Variants in SLC25A21 observed in about 807,000 individuals in gnomAD.
SLC25A21 encodes solute carrier family 25 member 21.
A neutral mutation model predicts 43.8 loss-of-function variants in SLC25A21; 47 were observed. The observed-to-expected ratio is 1.07, with a 90% confidence interval of 0.85 to 1.37. SLC25A21 has a LOEUF of 1.37. SLC25A21 is among the 40% of genes most tolerant of loss of function. The pLI, the probability that SLC25A21 is intolerant of heterozygous loss-of-function variation, is 0.00. For missense variants in SLC25A21, 352 were observed against 350.2 expected, an observed-to-expected ratio of 1.00 and a Z score of -0.04; for synonymous variants, 131 against 121.3, an observed-to-expected ratio of 1.08 and a Z score of -0.52.
chr14:37,040,583 G>A (rs934027246), intron 1 of SLC25A21, among the ~76,000 whole-genome samples: 7 of 151,718 alleles, frequency 4.6e-5, no homozygotes, highest in Non-Finnish European at 1.0e-4. Flanking sequence ...GAGACTTATT[G>A]AAGGCATCTA....
intron 3 of SLC25A21, among the ~76,000 whole-genome samples, chr14:36,785,279 T>G (rs1011598978): frequency 2.0e-5 from 3 of 152,238 alleles, no homozygotes; most frequent in African/African-American, 7.2e-5. Flanking sequence ...CTGATTCTAT[T>G]TGGATCTTGG....
In SLC25A21 at chr14:36,679,899, T is replaced by A; in HGVS notation, c.*759A>T. On this transcript the variant is annotated 3_prime_UTR_variant, in exon 10 of 10. Coordinates refer to ENST00000331299, the MANE Select transcript of SLC25A21 (RefSeq NM_030631.4). ...GGAGGAAAGTAAATTTTATTTCATGTTTCCTACTTGTGTTAGAAGAGATTT... is the reference window on the plus strand; with the variant it reads ...GGAGGAAAGTAAATTTTATTTCATGATTCCTACTTGTGTTAGAAGAGATTT... 1 of 961,138 alleles carries A rather than the reference T, an allele frequency of 1.0e-6. No individual in the cohort carries two copies. The highest frequency in any genetic ancestry group is 1.2e-6 in the Non-Finnish European group (1 of 808,100). 59.5% of individuals were successfully genotyped at this position (961,138 alleles called of 1,614,324 possible).
At chr14:36,953,713 C>T (rs551349506) in intron 1 of SLC25A21, among the ~76,000 whole-genome samples, 5 of 152,258 alleles carry the variant, frequency 3.3e-5, no homozygotes, top group Admixed American at 2.6e-4. Flanking sequence ...TCAAATACTA[C>T]ATTTGCTATT....
intron 1 of SLC25A21, among the ~76,000 whole-genome samples, chr14:37,096,450 C>G (rs1015394656): frequency 6.6e-6 from 1 of 152,166 alleles, no homozygotes; most frequent in Admixed American, 6.5e-5. Flanking sequence ...TTTGAATAAA[C>G]TGTCTACCCT....
chr14:36,740,069 A>T (rs1885192243), intron 3 of SLC25A21, among the ~76,000 whole-genome samples: 1 of 152,240 alleles, frequency 6.6e-6, no homozygotes, highest in Admixed American at 6.5e-5. Context: ...GACTGCAGCC[A>T]AGTGAGACAT....
At chr14:37,020,249 C>T (rs777695277) in intron 1 of SLC25A21, among the ~76,000 whole-genome samples, 2 of 151,834 alleles carry the variant, frequency 1.3e-5, no homozygotes, top group Admixed American at 1.3e-4. Flanking sequence ...CCATATATCA[C>T]TCTGGTAAGC....
intron 7 of SLC25A21, among the ~76,000 whole-genome samples, chr14:36,689,606 C>A (rs1882708215): frequency 6.6e-6 from 1 of 152,198 alleles, no homozygotes; most frequent in Non-Finnish European, 1.5e-5. Context: ...GATTTCCACA[C>A]ACATTCCTGC....
intron 1 of SLC25A21, among the ~76,000 whole-genome samples, chr14:37,139,922 C>G (rs1035154332): frequency 1.3e-5 from 2 of 152,222 alleles, no homozygotes; most frequent in African/African-American, 4.8e-5. Context: ...AATGCTTAAT[C>G]ATCAAAGCAA....
At chr14:36,885,179 G>A (rs1235228530) in intron 1 of SLC25A21, among the ~76,000 whole-genome samples, 2 of 152,138 alleles carry the variant, frequency 1.3e-5, no homozygotes, top group African/African-American at 2.4e-5. Context: ...TGTTCTGCAC[G>A]TGGATATCCA....
intron 1 of SLC25A21, among the ~76,000 whole-genome samples, chr14:37,147,649 T>TTTA (rs1555349959): frequency 0.061 from 8,902 of 146,752 alleles, 427 homozygotes; most frequent in African/African-American, 0.12. Context: ...TTTTTTTTTT[T>TTTA]AAAAAAAAGG....
At chr14:37,162,928 T>G (rs1457084319) in intron 1 of SLC25A21, among the ~76,000 whole-genome samples, 2 of 152,182 alleles carry the variant, frequency 1.3e-5, no homozygotes, top group South Asian at 2.1e-4. Flanking sequence ...TAAGAAAATG[T>G]GGCACATATA....
intron 1 of SLC25A21, among the ~76,000 whole-genome samples, chr14:36,947,280 C>T (rs965587033): frequency 6.6e-6 from 1 of 152,182 alleles, no homozygotes; most frequent in South Asian, 2.1e-4. Flanking sequence ...CAAGTAACCA[C>T]TACAGCATTT....
intron 1 of SLC25A21, among the ~76,000 whole-genome samples, chr14:36,927,623 A>C (rs1488754566): frequency 6.6e-6 from 1 of 152,184 alleles, no homozygotes; most frequent in African/African-American, 2.4e-5. Context: ...GTATAATGCT[A>C]TCTCTATCTG....
chr14:37,164,692 G>A (rs558484621), intron 1 of SLC25A21, among the ~76,000 whole-genome samples: 1 of 152,248 alleles, frequency 6.6e-6, no homozygotes, highest in East Asian at 1.9e-4. Context: ...TAAGAAAAAG[G>A]AGTAATCTTG....
intron 1 of SLC25A21, among the ~76,000 whole-genome samples, chr14:36,985,674 T>C (rs977228786): frequency 2.0e-5 from 3 of 152,206 alleles, no homozygotes; most frequent in Non-Finnish European, 4.4e-5. Flanking sequence ...TTCGCATACA[T>C]TGCTGTTTCT....
intron 1 of SLC25A21, among the ~76,000 whole-genome samples, chr14:37,035,068 G>A (rs1961299528): frequency 1.3e-5 from 2 of 152,186 alleles, no homozygotes; most frequent in Admixed American, 6.5e-5. Context: ...ACAAGACTGG[G>A]CTATAAATTT....
intron 3 of SLC25A21, among the ~76,000 whole-genome samples, chr14:36,788,237 T>C (rs1406598368): frequency 6.6e-6 from 1 of 152,020 alleles, no homozygotes; most frequent in East Asian, 1.9e-4. Context: ...TAATGGCTGA[T>C]GTCCATTACG....
intron 1 of SLC25A21, among the ~76,000 whole-genome samples, chr14:36,935,914 T>C (rs867010735): frequency 1.4e-4 from 22 of 152,266 alleles, no homozygotes; most frequent in Middle Eastern, 6.8e-3. Flanking sequence ...GGGAACCTTA[T>C]GGAGTCCTGC....
At chr14:36,993,912 A>G (rs1960317016) in intron 1 of SLC25A21, among the ~76,000 whole-genome samples, 2 of 152,194 alleles carry the variant, frequency 1.3e-5, no homozygotes, top group Non-Finnish European at 2.9e-5. Context: ...ACAACAAAAT[A>G]AGTCTAAAAG....
Sources: gnomAD v4.1 joint callset for allele counts (sites outside exome capture counted in the v4.1 genomes callset) on GRCh38, gnomAD v4.1.1 for gene constraint, MANE v1.5 for transcripts, NCBI Gene and HGNC (gene_info 2026-07-23, HGNC 2026-07-21) for gene names.